Variants in AGTPBP1 observed in about 807,000 individuals in gnomAD.
AGTPBP1 encodes ATP/GTP binding carboxypeptidase 1.
AGTPBP1 carries 70 observed loss-of-function variants against 143.9 expected under a neutral mutation model. The observed-to-expected ratio is 0.49, with a 90% confidence interval of 0.40 to 0.59. AGTPBP1 has a LOEUF of 0.59. Ranked by LOEUF, AGTPBP1 falls within the 20% of genes least tolerant of loss-of-function variation. AGTPBP1 has a pLI of 0.00. For missense variants in AGTPBP1, 1,229 were observed against 1,464.5 expected, an observed-to-expected ratio of 0.84 and a Z score of 2.62; for synonymous variants, 463 against 500.2, an observed-to-expected ratio of 0.93 and a Z score of 0.99.
chr9:85,730,224 A>C (rs1838788359), intron 1 of AGTPBP1, among the ~76,000 whole-genome samples: 1 of 152,186 alleles, frequency 6.6e-6, no homozygotes, highest in African/African-American at 2.4e-5. Flanking sequence ...CTCTCAACTT[A>C]ATTCCTCCTA....
At chr9:85,784,955 C>G in the AGTPBP1 span, among the ~76,000 whole-genome samples, 1 of 152,176 alleles carries the variant, frequency 6.6e-6, no homozygotes, top group African/African-American at 2.4e-5. Context: ...GTATTACTAA[C>G]ATTATAGGCC....
chr9:85,723,419 C>G (rs62570612), intron 1 of AGTPBP1, among the ~76,000 whole-genome samples: 2,255 of 152,310 alleles, frequency 0.015, 25 homozygotes, highest in Middle Eastern at 0.037. Context: ...CCCTCCCCCA[C>G]CAAGCTGCAG....
intron 19 of AGTPBP1, among the ~76,000 whole-genome samples, chr9:85,591,178 T>C (rs1447550478): frequency 2.9e-5 from 4 of 136,508 alleles, no homozygotes; most frequent in Admixed American, 7.0e-5. Context: ...TATGTGGATA[T>C]GGCAAAAAAA....
Position 85,632,732 on chromosome 9 carries a change from G to C in AGTPBP1, c.1945C>G (p.Pro649Ala). Residue 649 changes from proline to alanine, a missense_variant, in exon 14 of 26, where the codon CCC (proline) becomes GCC (alanine). Physicochemically the swap from Pro to Ala is conservative, Grantham distance 27 (BLOSUM62 -1). Transcript: ENST00000357081. ...GGCGGAATGTGACCAAAATAATCGG[G>C]ATAAGCCACCTCTGAATATTCTGGG... ...SVPEYSEVAYPDYFGHIPPPF... is the reference protein window; with the variant it reads ...SVPEYSEVAYADYFGHIPPPF... The C allele has an allele frequency of 6.2e-7, 1 of 1,614,076 alleles. No individual in the cohort carries two copies. Among genetic ancestry groups the C allele is most frequent in the Non-Finnish European group, 8.5e-7 (1 of 1,179,992 alleles).
chr9:85,726,128 G>A (rs560814256), intron 1 of AGTPBP1, among the ~76,000 whole-genome samples: 2 of 150,532 alleles, frequency 1.3e-5, no homozygotes, highest in South Asian at 2.1e-4. Flanking sequence ...TACATGGGAG[G>A]GTGAGGTAGA....
At position 85,587,051 on chromosome 9, in the gene AGTPBP1, A is replaced by T. The variant is rs1009344802; in HGVS notation, c.2904-91T>A. The T allele has an allele frequency of 4.0e-6, 6 of 1,483,246 alleles. No individual in the cohort carries two copies. The East Asian group carries it at 1.4e-4, about 34-fold the overall frequency. 91.9% of individuals were successfully genotyped at this position (1,483,246 alleles called of 1,614,324 possible). A position where few individuals can be genotyped will look rare whatever the true frequency, so the allele number is the denominator to read the frequency against. The stretch of plus-strand genomic sequence containing the variant: ...AAACCCTTATATACATATCTGATTT[A>T]ACTTTATGCTTCTATTCCACTAAGC... On this transcript the variant is annotated intron_variant, in intron 21 of 25. Coordinates refer to ENST00000357081, the MANE Select transcript of AGTPBP1 (RefSeq NM_001330701.2).
the AGTPBP1 span, among the ~76,000 whole-genome samples, chr9:85,748,554 T>G: frequency 6.6e-6 from 1 of 152,214 alleles, no homozygotes; most frequent in Non-Finnish European, 1.5e-5. Context: ...TTTCCATGAT[T>G]CCCCACTCCC....
chr9:85,580,701 A>G (rs1828202655), intron 23 of AGTPBP1, among the ~76,000 whole-genome samples: 1 of 152,190 alleles, frequency 6.6e-6, no homozygotes, highest in Admixed American at 6.5e-5. Flanking sequence ...AATTTGTACA[A>G]TCTTTATGAA....
intron 3 of AGTPBP1, among the ~76,000 whole-genome samples, chr9:85,691,807 G>T (rs189621944): frequency 5.0e-4 from 76 of 152,100 alleles, no homozygotes; most frequent in Middle Eastern, 3.4e-3. Context: ...AATACTATTT[G>T]TGTACTCTAT....
intron 25 of AGTPBP1, among the ~76,000 whole-genome samples, chr9:85,570,539 T>C (rs2132977207): frequency 6.6e-6 from 1 of 152,344 alleles, no homozygotes; most frequent in South Asian, 2.1e-4. Context: ...CAAATGTCTA[T>C]GTAATTTTTA....
chr9:85,789,118 A>G, the AGTPBP1 span, among the ~76,000 whole-genome samples: 1 of 152,208 alleles, frequency 6.6e-6, no homozygotes, highest in African/African-American at 2.4e-5. Context: ...GTTGCTTTCT[A>G]AATAACAAAG....
chr9:85,744,568 A>G (rs954944680), upstream of AGTPBP1, among the ~76,000 whole-genome samples: 2 of 152,222 alleles, frequency 1.3e-5, no homozygotes, highest in Non-Finnish European at 2.9e-5. Context: ...GAAAGCTCTC[A>G]GCAAAGAGAA....
intron 25 of AGTPBP1, chr9:85,554,114 T>C (rs189358001): frequency 4.5e-4 from 69 of 152,314 alleles, no homozygotes; most frequent in Admixed American, 2.6e-3. Context: ...AGTGAAAGGA[T>C]ACAAAGCAAA....
At chr9:85,589,388 G>T in intron 20 of AGTPBP1, 140 bp downstream of exon 20, 3 of 1,093,210 alleles carry the variant, frequency 2.7e-6, no homozygotes, top group Non-Finnish European at 3.8e-6. Flanking sequence ...CTCATGGCTA[G>T]CTAGATAATA....
intron 17 of AGTPBP1, among the ~76,000 whole-genome samples, chr9:85,597,443 G>A (rs1829368194): frequency 6.6e-6 from 1 of 151,852 alleles, no homozygotes; most frequent in African/African-American, 2.4e-5. Flanking sequence ...CGAATATAGT[G>A]GTAAGAACAA....
At chr9:85,628,835 G>A (rs1480274954) in intron 14 of AGTPBP1, among the ~76,000 whole-genome samples, 2 of 151,964 alleles carry the variant, frequency 1.3e-5, no homozygotes, top group Non-Finnish European at 2.9e-5. Flanking sequence ...GGGACTATAG[G>A]TGCCCGAGTA....
the AGTPBP1 span, among the ~76,000 whole-genome samples, chr9:85,759,540 G>A: frequency 3.2e-4 from 49 of 152,118 alleles, no homozygotes; most frequent in African/African-American, 9.4e-4. Context: ...ATAACGAAAT[G>A]AAGGCAGAAA....
At chr9:85,590,360 A>G (rs549348200) in intron 19 of AGTPBP1, among the ~76,000 whole-genome samples, 1 of 152,282 alleles carries the variant, frequency 6.6e-6, no homozygotes, top group Non-Finnish European at 1.5e-5. Context: ...ACACATAAAC[A>G]TATATATTCC....
chr9:85,584,724 G>A (rs1426011072), intron 23 of AGTPBP1, among the ~76,000 whole-genome samples: 7 of 152,106 alleles, frequency 4.6e-5, no homozygotes, highest in Non-Finnish European at 1.0e-4. Flanking sequence ...TCAACTGGGG[G>A]CAGGAAGGTA....
Sources: allele counts gnomAD v4.1 joint callset (sites outside exome capture counted in the v4.1 genomes callset), GRCh38; gene constraint gnomAD v4.1.1; transcripts MANE v1.5; gene names NCBI Gene and HGNC (gene_info 2026-07-23, HGNC 2026-07-21).